Variants in CMYA5 observed in about 807,000 individuals in gnomAD.
The protein encoded by CMYA5 is cardiomyopathy-associated protein 5.
CMYA5 carries 246 observed loss-of-function variants against 318.9 expected under a neutral mutation model. The observed-to-expected ratio is 0.77, with a 90% CI of 0.70 to 0.86. The LOEUF is 0.86. CMYA5 is among the 40% of genes least tolerant of loss of function. The probability of loss-of-function intolerance (pLI) is 0.00; values close to 1 mark genes in which losing one functional copy is unlikely to be tolerated. For missense variants in CMYA5, 4,589 were observed against 4,678.2 expected (o/e 0.98, Z 0.56); for synonymous variants, 1,641 against 1,729.5 (o/e 0.95, Z 1.27).
At chr5:79,718,833 T>C (rs4280846) in intron 1 of CMYA5, among the ~76,000 whole-genome samples, 68,740 of 152,030 alleles carry the variant, frequency 0.45, 16,633 homozygotes, top group African/African-American at 0.62. Flanking sequence ...ATACTCACCA[T>C]TGCATTACAG....
chr5:79,749,240 T>C (rs1828387392), intron 5 of CMYA5, among the ~76,000 whole-genome samples: 1 of 152,166 alleles, frequency 6.6e-6, no homozygotes, highest in Non-Finnish European at 1.5e-5. Context: ...AACAAAATTC[T>C]GGGATTTGGT....
At chr5:79,742,827 T>G (rs1339631204) in intron 2 of CMYA5, among the ~76,000 whole-genome samples, 2 of 151,750 alleles carry the variant, frequency 1.3e-5, no homozygotes, top group African/African-American at 2.4e-5. Context: ...AAGCCCAATG[T>G]TCTGAGAAAC....
rs771058045 is a variant in CMYA5, at chr5:79,735,070, TG to T, written c.6307del (p.Glu2103LysfsTer24). 6.2e-7 allele frequency: 1 copy of T among 1,613,686 alleles called. No homozygotes were observed. The highest frequency in any genetic ancestry group is 8.5e-7 in the Non-Finnish European group (1 of 1,179,806). Reference protein sequence around the residue: ...STPPFPEEKPLEESKMVQSKV... With the variant: ...STPPFPEEKPXEESKMVQSKV... ...CCTCCTTTTCCTGAAGAGAAGCCAT[TG>T]GAAGAATCAAAAATGGTTCAGTCAA... On this transcript the variant is annotated frameshift_variant, in exon 2 of 13. Transcript: ENST00000446378. LOFTEE classifies it high-confidence loss of function.
intron 6 of CMYA5, among the ~76,000 whole-genome samples, chr5:79,754,842 C>T (rs919951021): frequency 6.6e-6 from 1 of 152,200 alleles, no homozygotes; most frequent in African/African-American, 2.4e-5. Context: ...TTCTCCCCTT[C>T]TCCTGGCTGT....
intron 9 of CMYA5, 142 bp downstream of exon 9, chr5:79,763,351 T>C: frequency 1.4e-6 from 1 of 694,656 alleles, no homozygotes; most frequent in Non-Finnish European, 2.3e-6. Flanking sequence ...TGACTTGATT[T>C]GCAGCTCTAT....
rs1421702200 is a variant in CMYA5, at chr5:79,729,989, A to G, written c.1224A>G (p.Ser408=). ...CELASPGTAA[S]ENDSSVSPSF... is the part of the protein sequence containing the mutation. ...TTGCTTCACCAGGAACTGCAGCTTC[A>G]GAGAATGACTCTTCAGTCTCACCAT... Residue 408 remains serine, a synonymous_variant, in exon 2 of 13, where the codon TCA becomes TCG. Transcript: ENST00000446378. 1 of 1,613,928 alleles carries G rather than the reference A, an allele frequency of 6.2e-7. No individual in the cohort carries two copies. Among genetic ancestry groups the G allele is most frequent in the African/African-American group, 1.3e-5 (1 of 74,954 alleles).
At chr5:79,702,126 G>A (rs1827184935) in intron 1 of CMYA5, among the ~76,000 whole-genome samples, 1 of 151,364 alleles carries the variant, frequency 6.6e-6, no homozygotes. Context: ...TAAAGAAAAT[G>A]TGGGCTGGGT....
rs1343226627 is a variant in CMYA5, at chr5:79,735,905, A to G, written c.7140A>G (p.Val2380=). 6.3e-7 allele frequency: 1 copy of G among 1,596,006 alleles called. No individual in the cohort carries two copies. The highest frequency in any genetic ancestry group is 8.5e-7 in the Non-Finnish European group (1 of 1,175,176). Residue 2380 remains valine (V), a synonymous_variant, in exon 2 of 13, where the codon GTA becomes GTG. Coordinates refer to ENST00000446378, the MANE Select transcript of CMYA5 (RefSeq NM_153610.5). The part of the protein sequence containing the change: ...QKQKSLLSFD[V]VDKVPQQPKS... ...AAAAATCACTCCTTTCATTTGATGT[A>G]GTAGATAAGGTGCCACAACAGCCAA...
chr5:79,747,113 G>A lies in CMYA5; in HGVS notation c.10991G>A (p.Arg3664Lys). Residue 3664 changes from arginine (R) to lysine (K), a missense_variant and splice_region_variant, in exon 5 of 13, where the codon AGG (arginine) becomes AAG (lysine). By Grantham distance (26) the Arg-to-Lys change is conservative. Transcript: ENST00000446378. ...AAGTCGTTTGAGGAAATCAATGAAAGGTATATAAAACATGATACAATGTAG... is the reference window on the plus strand; with the variant it reads ...AAGTCGTTTGAGGAAATCAATGAAAAGTATATAAAACATGATACAATGTAG... Reference protein sequence around the residue: ...FLTSFEEINERLLSAMESTAS... With the variant: ...FLTSFEEINEKLLSAMESTAS... 1 of 1,544,482 alleles carries A rather than the reference G, an allele frequency of 6.5e-7. No homozygotes were observed. Among genetic ancestry groups the A allele is most frequent in the Non-Finnish European group, 8.8e-7 (1 of 1,141,882 alleles).
chr5:79,785,882 C>T (rs1163121185), intron 9 of CMYA5, among the ~76,000 whole-genome samples: 1 of 152,170 alleles, frequency 6.6e-6, no homozygotes, highest in East Asian at 1.9e-4. Flanking sequence ...CCATTGTGCA[C>T]CTTAGTCATG....
Position 79,727,238 on chromosome 5 carries a change from A to G in CMYA5, c.150-1677A>G, listed in dbSNP as rs567607242. 5.9e-5 allele frequency among the ~76,000 whole-genome samples: 9 copies of G among 152,200 alleles called. No homozygotes were observed. In the East Asian group the frequency reaches 1.6e-3, roughly 26 times the overall value. Reference sequence around the variant, plus strand: ...GCCAGGCCAGTGATTCTGAATACATATTGTAGTCGCCTGGCAGCTTTTAAA... The same window carrying G: ...GCCAGGCCAGTGATTCTGAATACATGTTGTAGTCGCCTGGCAGCTTTTAAA... On this transcript the variant is annotated intron_variant, in intron 1 of 12. Transcript: ENST00000446378.
chr5:79,736,114 C>A lies in CMYA5; in HGVS notation c.7349C>A (p.Ser2450Tyr), dbSNP rs772792477. ...KISEEETKLR[S>Y]VSPTEKKDNL... ...TCTGAAGAGGAAACAAAACTCAGGT[C>A]TGTTAGTCCAACTGAGAAGAAAGAT... Residue 2450 changes from serine (S) to tyrosine (Y), a missense_variant, in exon 2 of 13, where the codon TCT becomes TAT. Ser to Tyr is a moderately radical substitution (Grantham distance 144). Around this residue, in one of 3 missense-constraint regions of CMYA5, gnomAD observed 2,431 missense variants for 2,495.1 expected, o/e 0.97. Transcript: ENST00000446378. 4.3e-6 allele frequency: 7 copies of A among 1,613,562 alleles called. No individual in the cohort carries two copies. The East Asian group carries it at 1.3e-4, about 31-fold the overall frequency.
rs1827863286 is a variant in CMYA5, at chr5:79,730,412, AC to A, written c.1648del (p.His550IlefsTer55). 3 of 1,613,766 alleles carry A rather than the reference AC, an allele frequency of 1.9e-6. No individual in the cohort carries two copies. The highest frequency in any genetic ancestry group is 2.5e-6 in the Non-Finnish European group (3 of 1,179,878). ...TGGTTTCCGAGAAGCCCTTCCCACC[AC>A]ATATGTCCCCTGAAGTGGAGCACAA... ...PLVSEKPFPP[H>X]MSPEVEHKEE... On this transcript the variant is annotated frameshift_variant, in exon 2 of 13. Transcript: ENST00000446378. LOFTEE classifies it high-confidence loss of function.
At chr5:79,710,420 T>G (rs1827367512) in intron 1 of CMYA5, among the ~76,000 whole-genome samples, 1 of 151,782 alleles carries the variant, frequency 6.6e-6, no homozygotes, top group Admixed American at 6.6e-5. Flanking sequence ...TATAAAGTAG[T>G]TTTGAGACCA....
In CMYA5 at chr5:79,761,226, A is replaced by G. The variant is rs183320548; in HGVS notation, c.11261-585A>G. Among the ~76,000 whole-genome samples the G allele has an allele frequency of 1.1e-4, 17 of 152,354 alleles. No homozygotes were observed. The East Asian group carries it at 1.9e-3, about 17-fold the overall frequency. On this transcript the variant is annotated intron_variant, in intron 7 of 12. Transcript: ENST00000446378. ...GCAAATGTCTTAATTGGACAAAGTT[A>G]CTTCTTAGAGTAGCTTATGACCTAT... is the stretch of plus-strand genomic sequence containing the variant.
At chr5:79,761,020 A>AG (rs964676338) in intron 7 of CMYA5, among the ~76,000 whole-genome samples, 2 of 152,138 alleles carry the variant, frequency 1.3e-5, no homozygotes, top group Admixed American at 1.3e-4. Context: ...AAGAGTCATA[A>AG]GGGGGGGAAA....
intron 9 of CMYA5, among the ~76,000 whole-genome samples, chr5:79,770,229 C>G (rs1045854918): frequency 2.0e-5 from 3 of 152,222 alleles, no homozygotes; most frequent in African/African-American, 7.2e-5. Context: ...TGGATCTTAG[C>G]TTGCTGGGCT....
rs771329189 is a variant in CMYA5, at chr5:79,730,458, C to T, written c.1693C>T (p.Pro565Ser). The change falls in exon 2 of 13, where the codon CCA becomes TCA. Residue 565 changes from proline (P) to serine (S), a missense_variant. By Grantham distance (74) the Pro-to-Ser change is moderately conservative. This residue lies in a region of CMYA5 where 2,132 missense variants were observed against 2,131.3 expected (regional missense o/e 1.00). Transcript: ENST00000446378. ...GCACAAAGAAGAAGAGCTTATTCTA[C>T]CATTATTGGCAGCATCATCTCCTGA... ...VEHKEEELILPLLAASSPEHV... is the reference protein window; with the variant it reads ...VEHKEEELILSLLAASSPEHV... 36 of 1,613,706 alleles carry T rather than the reference C, an allele frequency of 2.2e-5. No individual in the cohort carries two copies.
intron 5 of CMYA5, among the ~76,000 whole-genome samples, chr5:79,751,819 G>A (rs972437188): frequency 1.3e-5 from 2 of 152,192 alleles, no homozygotes; most frequent in African/African-American, 4.8e-5. Context: ...AATGGAGGGG[G>A]CAGGCAAGGC....
Sources: allele counts gnomAD v4.1 joint callset (sites outside exome capture counted in the v4.1 genomes callset), GRCh38; gene constraint gnomAD v4.1.1; regional missense constraint gnomAD v4.1.1; transcripts MANE v1.5; gene names NCBI Gene and HGNC (gene_info 2026-07-23, HGNC 2026-07-21).